Variants in CNBD1 observed in about 807,000 individuals in gnomAD.
CNBD1 encodes cyclic nucleotide binding domain containing 1.
A neutral mutation model predicts 54.4 loss-of-function variants in CNBD1; 71 were observed. The ratio of observed to expected loss-of-function variants is 1.30; its 90% CI spans 1.08 to 1.59. CNBD1 has a LOEUF of 1.59. Ranked by LOEUF, CNBD1 falls within the 40% of genes most tolerant of loss-of-function variation. The pLI, the probability that CNBD1 is intolerant of heterozygous loss-of-function variation, is 0.00. For synonymous variants in CNBD1, 182 were observed against 170.7 expected, an observed-to-expected ratio of 1.07 and a Z score of -0.51; for missense variants, 659 against 518.0, an observed-to-expected ratio of 1.27 and a Z score of -2.64.
chr8:87,210,735 C>T (rs1814079310), intron 5 of CNBD1, among the ~76,000 whole-genome samples: 1 of 152,294 alleles, frequency 6.6e-6, no homozygotes, highest in African/African-American at 2.4e-5. Flanking sequence ...GCCAAGATTT[C>T]AATGGGTGTA....
chr8:87,185,611 A>G (rs147123553), intron 4 of CNBD1, among the ~76,000 whole-genome samples: 1 of 152,286 alleles, frequency 6.6e-6, no homozygotes, highest in Non-Finnish European at 1.5e-5. Flanking sequence ...GTGAATTATA[A>G]GGTTTCTACT....
At chr8:86,923,279 A>C (rs1261763970) in intron 3 of CNBD1, among the ~76,000 whole-genome samples, 2 of 152,158 alleles carry the variant, frequency 1.3e-5, no homozygotes, top group East Asian at 1.9e-4. Flanking sequence ...GTCTGTGGCT[A>C]ATTAAAGGCT....
At chr8:87,395,813 A>T (rs1811398576) in intron 2 of CNBD1, among the ~76,000 whole-genome samples, 1 of 151,846 alleles carries the variant, frequency 6.6e-6, no homozygotes, top group African/African-American at 2.4e-5. Flanking sequence ...AGATAATTGA[A>T]TCATGGGGGT....
intron 2 of CNBD1, among the ~76,000 whole-genome samples, chr8:87,427,637 A>T (rs999973427): frequency 5.9e-5 from 9 of 152,230 alleles, no homozygotes; most frequent in African/African-American, 1.7e-4. Flanking sequence ...ATTTATGTTT[A>T]TATAAATAAT....
At chr8:87,014,621 A>T (rs1387047576) in intron 4 of CNBD1, among the ~76,000 whole-genome samples, 2 of 152,116 alleles carry the variant, frequency 1.3e-5, no homozygotes, top group African/African-American at 4.8e-5. Context: ...GTAATGAAAT[A>T]AAATCTTGTA....
intron 4 of CNBD1, among the ~76,000 whole-genome samples, chr8:86,972,733 A>G (rs1808251923): frequency 6.6e-6 from 1 of 152,210 alleles, no homozygotes; most frequent in South Asian, 2.1e-4. Flanking sequence ...TGGATTTAAT[A>G]CAATGGAAGA....
chr8:87,328,997 TA>T (rs1736838254), intron 8 of CNBD1, among the ~76,000 whole-genome samples: 1 of 152,154 alleles, frequency 6.6e-6, no homozygotes, highest in African/African-American at 2.4e-5. Flanking sequence ...TTCTATCTTC[TA>T]GGAGTTATTC....
chr8:86,987,435 T>C (rs374999508), intron 4 of CNBD1, among the ~76,000 whole-genome samples: 9 of 152,304 alleles, frequency 5.9e-5, no homozygotes, highest in African/African-American at 2.2e-4. Context: ...AGGTATAGAA[T>C]CATAATGTCA....
intron 3 of CNBD1, among the ~76,000 whole-genome samples, chr8:86,914,852 T>C (rs1268701835): frequency 1.3e-5 from 2 of 152,176 alleles, no homozygotes; most frequent in African/African-American, 4.8e-5. Flanking sequence ...ATGTATCAAA[T>C]GGAATAGTAA....
At chr8:87,403,979 C>A (rs1339302553) in intron 2 of CNBD1, among the ~76,000 whole-genome samples, 1 of 151,974 alleles carries the variant, frequency 6.6e-6, no homozygotes, top group Non-Finnish European at 1.5e-5. Context: ...TAAGATGTTT[C>A]TTTTAGTTTA....
chr8:87,390,195 C>A (rs1198921091), intron 2 of CNBD1, among the ~76,000 whole-genome samples: 3 of 152,060 alleles, frequency 2.0e-5, no homozygotes, highest in Non-Finnish European at 4.4e-5. Context: ...TGGGCAAGGA[C>A]TTCATGTCTA....
intron 10 of CNBD1, among the ~76,000 whole-genome samples, chr8:87,371,174 T>A (rs529448142): frequency 1.3e-5 from 2 of 151,898 alleles, no homozygotes; most frequent in Admixed American, 6.6e-5. Flanking sequence ...TGCCTCCAGT[T>A]TTGTTCTTTC....
intron 8 of CNBD1, among the ~76,000 whole-genome samples, chr8:87,317,884 T>G (rs1809431318): frequency 6.6e-6 from 1 of 152,022 alleles, no homozygotes; most frequent in African/African-American, 2.4e-5. Context: ...AATATGTATG[T>G]GTATATACTT....
chr8:87,378,557 C>G (rs1454365488), intron 10 of CNBD1, among the ~76,000 whole-genome samples: 9 of 150,564 alleles, frequency 6.0e-5, no homozygotes, highest in African/African-American at 2.2e-4. Flanking sequence ...GTTACTGTAG[C>G]CTTGTTGTAT....
intron 4 of CNBD1, among the ~76,000 whole-genome samples, chr8:87,100,173 G>A (rs1290616162): frequency 6.6e-6 from 1 of 152,176 alleles, no homozygotes; most frequent in Admixed American, 6.5e-5. Context: ...GCAATTTGGG[G>A]CCGTTGGTGA....
At chr8:87,329,429 G>A (rs1809767155) in intron 8 of CNBD1, among the ~76,000 whole-genome samples, 2 of 152,062 alleles carry the variant, frequency 1.3e-5, no homozygotes. Context: ...GTTTGTCAAT[G>A]TCTGCAAGGT....
At chr8:87,295,587 A>T (rs1808863162) in intron 8 of CNBD1, among the ~76,000 whole-genome samples, 1 of 152,100 alleles carries the variant, frequency 6.6e-6, no homozygotes, top group African/African-American at 2.4e-5. Context: ...TTTCATCAGT[A>T]ACCCAGGCAA....
chr8:86,991,609 A>G (rs935437678), intron 4 of CNBD1, among the ~76,000 whole-genome samples: 1 of 152,074 alleles, frequency 6.6e-6, no homozygotes, highest in African/African-American at 2.4e-5. Context: ...GCATTAAGTT[A>G]GATTGTTACT....
intron 8 of CNBD1, among the ~76,000 whole-genome samples, chr8:87,324,783 T>G (rs1809632696): frequency 7.1e-6 from 1 of 140,300 alleles, no homozygotes; most frequent in Admixed American, 7.1e-5. Context: ...TTTGAAGGGT[T>G]TTTTGTGTCT....
Sources: gnomAD v4.1 joint callset for allele counts (sites outside exome capture counted in the v4.1 genomes callset) on GRCh38, gnomAD v4.1.1 for gene constraint, MANE v1.5 for transcripts, NCBI Gene and HGNC (gene_info 2026-07-23, HGNC 2026-07-21) for gene names.